The following TENT4B variants were observed in gnomAD, a reference collection of about 807,000 sequenced individuals.
TENT4B encodes the protein PAP associated domain containing 5.
TENT4B carries 10 observed loss-of-function variants against 75.0 expected under a neutral mutation model. That is an observed-to-expected ratio of 0.13 (90% confidence interval 0.08 to 0.23). The LOEUF (loss-of-function observed/expected upper bound fraction) is 0.23. TENT4B is among the 10% of genes least tolerant of loss of function. The pLI is 1.00. For missense variants in TENT4B, 579 were observed against 893.8 expected, an observed-to-expected ratio of 0.65 and a Z score of 4.49; for synonymous variants, 350 against 357.7, an observed-to-expected ratio of 0.98 and a Z score of 0.24.
chr16:50,189,827 A>C (rs914182909), intron 1 of TENT4B, among the ~76,000 whole-genome samples: 1 of 151,920 alleles, frequency 6.6e-6, no homozygotes, highest in African/African-American at 2.4e-5. Context: ...CAGGCAGATC[A>C]CTTGAGGTCA....
intron 6 of TENT4B, 77 bp from the exon 7 acceptor site, chr16:50,223,097 G>A: frequency 8.4e-7 from 1 of 1,193,768 alleles, no homozygotes; most frequent in South Asian, 1.5e-5. Context: ...GCTTGTAGAA[G>A]TTAGAATATA....
chr16:50,222,288 T>TA lies in TENT4B; in HGVS notation c.1039-17dup, dbSNP rs774956662. 6.4e-7 allele frequency: 1 copy of TA among 1,564,120 alleles called. No homozygotes were observed. The highest frequency in any genetic ancestry group is 1.2e-5 in the South Asian group (1 of 85,102). On this transcript the variant is annotated splice_polypyrimidine_tract_variant and intron_variant, in intron 5 of 11. Coordinates refer to ENST00000561678, the MANE Select transcript of TENT4B (RefSeq NM_001365324.3). ...TGCTGATACAGGAATTCATTGAAAA[T>TA]ACAATTTTCTTTTTCAGAAATATCC...
In TENT4B at chr16:50,234,615, A is replaced by G. The variant is rs762544478; in HGVS notation, c.*5287A>G. On this transcript the variant is annotated 3_prime_UTR_variant, in exon 12 of 12. Transcript: ENST00000561678. ...TTAAGATCCTCTCTGATTTTTGCATATTGAAACTTACAGAAGTCACTTTAA... is the reference window on the plus strand; with the variant it reads ...TTAAGATCCTCTCTGATTTTTGCATGTTGAAACTTACAGAAGTCACTTTAA... 55 of 984,786 alleles carry G rather than the reference A, an allele frequency of 5.6e-5. No homozygotes were observed. Among genetic ancestry groups the G allele is most frequent in the Non-Finnish European group, 6.5e-5 (54 of 829,474 alleles). 61.0% of individuals were successfully genotyped at this position (984,786 alleles called of 1,614,324 possible).
chr16:50,167,137 C>A (rs772673677), intron 1 of TENT4B, among the ~76,000 whole-genome samples: 1 of 152,184 alleles, frequency 6.6e-6, no homozygotes, highest in Non-Finnish European at 1.5e-5. Context: ...CTTTTGACTT[C>A]CCTGGGCCAC....
chr16:50,210,382 C>T (rs2031216142), intron 1 of TENT4B, among the ~76,000 whole-genome samples: 1 of 151,580 alleles, frequency 6.6e-6, no homozygotes, highest in Admixed American at 6.6e-5. Flanking sequence ...TTGAAGGCAT[C>T]CTTAGCCCCC....
At chr16:50,222,571 A>C in intron 6 of TENT4B, 137 bp downstream of exon 6, 1 of 866,912 alleles carries the variant, frequency 1.2e-6, no homozygotes, top group East Asian at 3.0e-5. Context: ...TTTTCCCTTT[A>C]AACTGGGTAC....
chr16:50,175,251 C>G lies in TENT4B; in HGVS notation c.638+20992C>G, dbSNP rs1483863099. Among the ~76,000 whole-genome samples the G allele has an allele frequency of 5.9e-5, 9 of 152,220 alleles. No homozygotes were observed. In the East Asian group the frequency reaches 1.5e-3, roughly 26 times the overall value. ...AGTCCGTGACTTATCTTTTCATTCT[C>G]TTAAATAGTGTCTTTTGCAGAGCAC... On this transcript the variant is annotated intron_variant, in intron 1 of 11. Transcript: ENST00000561678.
intron 1 of TENT4B, among the ~76,000 whole-genome samples, chr16:50,167,488 A>C (rs1268726168): frequency 6.6e-6 from 1 of 151,804 alleles, no homozygotes; most frequent in Non-Finnish European, 1.5e-5. Context: ...TTTAAAGCAC[A>C]AAGTTTTGTT....
intron 1 of TENT4B, among the ~76,000 whole-genome samples, chr16:50,186,242 A>G (rs768133677): frequency 6.6e-6 from 1 of 151,848 alleles, no homozygotes; most frequent in Non-Finnish European, 1.5e-5. Flanking sequence ...GGCAATCACC[A>G]TTCTACTTTC....
chr16:50,199,389 T>TA (rs1306789562), intron 1 of TENT4B, among the ~76,000 whole-genome samples: 1 of 152,196 alleles, frequency 6.6e-6, no homozygotes, highest in Non-Finnish European at 1.5e-5. Context: ...GTGGTAGAAT[T>TA]ACTAGTGGGG....
At chr16:50,198,590 C>A (rs2030432780) in intron 1 of TENT4B, among the ~76,000 whole-genome samples, 1 of 151,928 alleles carries the variant, frequency 6.6e-6, no homozygotes, top group Non-Finnish European at 1.5e-5. Context: ...ATCAGATCAA[C>A]TCACTAATGT....
rs554982605 is a variant in TENT4B at position 50,216,111 on chromosome 16, C to T, written c.846C>T (p.Asn282=). The T allele has an allele frequency of 6.2e-7, 1 of 1,613,936 alleles. No homozygotes were observed. The highest frequency in any genetic ancestry group is 2.2e-5 in the East Asian group (1 of 44,878). Residue 282 remains asparagine (N), a synonymous_variant, in exon 4 of 12, where the codon AAC becomes AAT. Transcript: ENST00000561678. ...TAGTGGTGTTTGGGAAGTGGGAGAA[C>T]CTACCCCTCTGGACTCTGGAAGAAG... The part of the protein sequence containing the change: ...IDLVVFGKWE[N]LPLWTLEEAL...
At chr16:50,206,499 T>A (rs889239610) in intron 1 of TENT4B, among the ~76,000 whole-genome samples, 2 of 152,008 alleles carry the variant, frequency 1.3e-5, no homozygotes, top group Non-Finnish European at 2.9e-5. Context: ...ATAAAACAGG[T>A]CTGACTTCAG....
intron 1 of TENT4B, among the ~76,000 whole-genome samples, chr16:50,176,624 A>G (rs934657156): frequency 7.1e-6 from 1 of 141,020 alleles, no homozygotes. Flanking sequence ...CTCCTGCCTC[A>G]GCCTCCTGAG....
intron 2 of TENT4B, among the ~76,000 whole-genome samples, chr16:50,211,825 ATTATATAATTG>A (rs2031294555): frequency 1.3e-5 from 2 of 152,222 alleles, no homozygotes; most frequent in South Asian, 4.1e-4. Context: ...CAGGGTAAAC[ATTATATAATTG>A]TTTACAGCTA....
Position 50,166,872 on chromosome 16 carries a change from C to T in TENT4B, c.638+12613C>T, listed in dbSNP as rs569083073. Among the ~76,000 whole-genome samples, 16 of 151,494 alleles carry T rather than the reference C, an allele frequency of 1.1e-4. No individual in the cohort carries two copies. In the East Asian group the frequency reaches 1.4e-3, roughly 13 times the overall value. On this transcript the variant is annotated intron_variant, in intron 1 of 11. Transcript: ENST00000561678. ...CTCAAACTCCTGAGCTGAAGCAATC[C>T]GCCCATCTCAGCTTCCCAAAGTGCT...
chr16:50,212,842 C>G, intron 2 of TENT4B, among the ~76,000 whole-genome samples: 1 of 151,966 alleles, frequency 6.6e-6, no homozygotes, highest in Non-Finnish European at 1.5e-5. Flanking sequence ...CAGTATAGGC[C>G]CTTACAACAA....
At chr16:50,183,554 C>T (rs1420398471) in intron 1 of TENT4B, among the ~76,000 whole-genome samples, 1 of 137,254 alleles carries the variant, frequency 7.3e-6, no homozygotes, top group Non-Finnish European at 1.6e-5. Context: ...CTTATTTTTA[C>T]AGTACTTTGA....
chr16:50,196,763 C>CA (rs5816681), intron 1 of TENT4B, among the ~76,000 whole-genome samples: 5,239 of 138,702 alleles, frequency 0.038, 114 homozygotes, highest in African/African-American at 0.043. Context: ...CCTGTCTCTA[C>CA]AAAAAAAAAA....
Sources: gnomAD v4.1 joint callset for allele counts (sites outside exome capture counted in the v4.1 genomes callset) on GRCh38, gnomAD v4.1.1 for gene constraint, MANE v1.5 for transcripts, NCBI Gene and HGNC (gene_info 2026-07-23, HGNC 2026-07-21) for gene names.